Variants in KCNK13 observed in about 807,000 individuals in gnomAD.
KCNK13 encodes the protein potassium channel subfamily K member 13.
In KCNK13, 12 loss-of-function variants were observed where a neutral mutation model predicts 23.4. That is an observed-to-expected ratio of 0.51 (90% confidence interval 0.33 to 0.83). KCNK13 has a LOEUF of 0.83. KCNK13 is among the 40% of genes least tolerant of loss of function. The pLI is 0.02. For synonymous variants in KCNK13, 231 were observed against 229.5 expected, an observed-to-expected ratio of 1.01 and a Z score of -0.06; for missense variants, 463 against 556.3, an observed-to-expected ratio of 0.83 and a Z score of 1.69.
At chr14:90,141,794 T>TGGCG (rs1555351990) in intron 1 of KCNK13, among the ~76,000 whole-genome samples, 1 of 125,546 alleles carries the variant, frequency 8.0e-6, no homozygotes, top group African/African-American at 3.0e-5. Context: ...TTTTGTTTTT[T>TGGCG]GGGGGGGGGG....
chr14:90,078,583 A>G (rs904306332), intron 1 of KCNK13, among the ~76,000 whole-genome samples: 2 of 151,336 alleles, frequency 1.3e-5, no homozygotes. Flanking sequence ...GAAGAGAGAG[A>G]GAGAGGGAGA....
At chr14:90,143,135 G>A (rs569055264) in intron 1 of KCNK13, among the ~76,000 whole-genome samples, 5 of 104,514 alleles carry the variant, frequency 4.8e-5, no homozygotes, top group Admixed American at 4.1e-4. Context: ...TGTTTTAGGA[G>A]AAGAGCAGAA....
In KCNK13 at chr14:90,184,057, C is replaced by A; in HGVS notation, c.335-54C>A. On this transcript the variant is annotated intron_variant, in intron 1 of 1. Transcript: ENST00000282146. This position sits in a 1 kb window ranked among gnomAD's most constrained non-coding sequence, Gnocchi z 5.6. The stretch of plus-strand genomic sequence containing the variant: ...CCAGCCATCAAAGCCAAGACCTAGA[C>A]CCCATTCACAGCAAAGATTTCTCTT... 6.6e-7 allele frequency: 1 copy of A among 1,521,436 alleles called. No homozygotes were observed. Among genetic ancestry groups the A allele is most frequent in the Non-Finnish European group, 9.0e-7 (1 of 1,113,304 alleles). The allele number at this position is 1,521,436 out of a possible 1,614,324, so 94.2% of individuals were successfully genotyped here. A position where few individuals can be genotyped will look rare whatever the true frequency, so the allele number is the denominator to read the frequency against.
chr14:90,144,495 C>CTCTTTTTT (rs1555352214), intron 1 of KCNK13, among the ~76,000 whole-genome samples: 1 of 119,240 alleles, frequency 8.4e-6, no homozygotes, highest in African/African-American at 3.1e-5. Context: ...TTTACTTTCT[C>CTCTTTTTT]TTTTTTTTTT....
chr14:90,143,186 T>TTTTCTTTTCC (rs1566644777), intron 1 of KCNK13, among the ~76,000 whole-genome samples: 18 of 28,870 alleles, frequency 6.2e-4, no homozygotes, highest in Admixed American at 3.3e-3. Flanking sequence ...TTTTCTTTTC[T>TTTTCTTTTCC]TTTCTTTCTT....
intron 1 of KCNK13, among the ~76,000 whole-genome samples, chr14:90,179,586 T>C (rs1890462538): frequency 6.6e-6 from 1 of 152,128 alleles, no homozygotes; most frequent in African/African-American, 2.4e-5. Flanking sequence ...CTAGACCAAA[T>C]CAGCTGTGAG....
chr14:90,072,415 C>T (rs1246562868), intron 1 of KCNK13, among the ~76,000 whole-genome samples: 1 of 152,108 alleles, frequency 6.6e-6, no homozygotes, highest in Non-Finnish European at 1.5e-5. Flanking sequence ...AGAGCAGCCC[C>T]AACACAGGCA....
At chr14:90,105,405 A>G (rs1555402457) in intron 1 of KCNK13, among the ~76,000 whole-genome samples, 6 of 152,076 alleles carry the variant, frequency 3.9e-5, no homozygotes, top group Non-Finnish European at 8.8e-5. Flanking sequence ...GAAATCACAG[A>G]TGTTAGAGGA....
chr14:90,172,004 G>GA (rs1890369883), intron 1 of KCNK13, among the ~76,000 whole-genome samples: 1 of 152,212 alleles, frequency 6.6e-6, no homozygotes, highest in Non-Finnish European at 1.5e-5. Context: ...TTCTTGATGG[G>GA]AAAAAATTGA....
chr14:90,077,230 CT>C (rs1007086262), intron 1 of KCNK13, among the ~76,000 whole-genome samples: 12 of 151,916 alleles, frequency 7.9e-5, no homozygotes, highest in African/African-American at 2.7e-4. Context: ...AGCAATTCCC[CT>C]GCCTCAGCCT....
At chr14:90,082,183 TC>T (rs1291523991) in intron 1 of KCNK13, among the ~76,000 whole-genome samples, 1 of 151,762 alleles carries the variant, frequency 6.6e-6, no homozygotes, top group African/African-American at 2.4e-5. Context: ...TGCCTCAGCC[TC>T]CCCAGTAGCT....
intron 1 of KCNK13, among the ~76,000 whole-genome samples, chr14:90,101,810 A>AAAAAAAAAAC (rs1465117776): frequency 1.4e-4 from 21 of 149,414 alleles, no homozygotes; most frequent in African/African-American, 5.2e-4. Flanking sequence ...AAAAAAAAAA[A>AAAAAAAAAAC]AACCTCACAA....
At chr14:90,136,582 C>T (rs551603841) in intron 1 of KCNK13, among the ~76,000 whole-genome samples, 2 of 152,108 alleles carry the variant, frequency 1.3e-5, no homozygotes, top group East Asian at 1.9e-4. Flanking sequence ...AATCAATACC[C>T]ATGATAGTTA....
At chr14:90,089,655 T>A (rs1889319829) in intron 1 of KCNK13, among the ~76,000 whole-genome samples, 1 of 152,210 alleles carries the variant, frequency 6.6e-6, no homozygotes, top group African/African-American at 2.4e-5. Flanking sequence ...CCAGGGCATG[T>A]CAGAGGTTTT....
chr14:90,107,577 G>A, intron 1 of KCNK13: 1 of 488,076 alleles, frequency 2.0e-6, no homozygotes, highest in Non-Finnish European at 3.7e-6. Context: ...CAAAAGTAAA[G>A]AGTGTGTTTA....
At chr14:90,066,726 A>C (rs746823230) in intron 1 of KCNK13, among the ~76,000 whole-genome samples, 8 of 152,220 alleles carry the variant, frequency 5.3e-5, no homozygotes, top group Non-Finnish European at 1.0e-4. Flanking sequence ...TAAAAGTCAG[A>C]GCTTAGAGTG....
chr14:90,142,405 G>A (rs965901348), intron 1 of KCNK13, among the ~76,000 whole-genome samples: 5 of 124,904 alleles, frequency 4.0e-5, no homozygotes, highest in East Asian at 2.6e-4. Flanking sequence ...TGCAAGCTCC[G>A]CCTCCCAGGT....
intron 1 of KCNK13, among the ~76,000 whole-genome samples, chr14:90,091,417 T>G (rs886745560): frequency 6.6e-6 from 1 of 152,094 alleles, no homozygotes; most frequent in Non-Finnish European, 1.5e-5. Flanking sequence ...CTGGAAATGG[T>G]GAAAAGTGAC....
At chr14:90,071,918 G>A (rs1889080198) in intron 1 of KCNK13, among the ~76,000 whole-genome samples, 1 of 151,872 alleles carries the variant, frequency 6.6e-6, no homozygotes, top group Non-Finnish European at 1.5e-5. Flanking sequence ...AAGAGGGAAG[G>A]AGAGAAGAGT....
Sources: gnomAD v4.1 joint callset for allele counts (sites outside exome capture counted in the v4.1 genomes callset) on GRCh38, gnomAD v4.1.1 for gene constraint, Gnocchi (gnomAD v3.1) non-coding constraint, MANE v1.5 for transcripts, NCBI Gene and HGNC (gene_info 2026-07-23, HGNC 2026-07-21) for gene names.